SFMBT2: variants seen among roughly 807,000 people sequenced by gnomAD.
SFMBT2 encodes Scm like with four mbt domains 2.
Under a neutral mutation model 110.1 loss-of-function variants are expected in SFMBT2, and 38 were observed. The ratio of observed to expected loss-of-function variants is 0.35; its 90% CI spans 0.27 to 0.45. The LOEUF (loss-of-function observed/expected upper bound fraction) is 0.45, where lower values mean the gene tolerates loss of function less well. SFMBT2 is among the 20% of genes least tolerant of loss of function. The pLI is 1.00. For synonymous variants in SFMBT2, 425 were observed against 425.4 expected (o/e 1.00, Z 0.01); for missense variants, 1,011 against 1,094.9 (o/e 0.92, Z 1.08).
intron 7 of SFMBT2, among the ~76,000 whole-genome samples, chr10:7,260,930 T>C (rs1456503564): frequency 6.6e-6 from 1 of 151,980 alleles, no homozygotes; most frequent in Admixed American, 6.6e-5. Flanking sequence ...TGCGCAGTCT[T>C]TAAATACCCC....
intron 7 of SFMBT2, among the ~76,000 whole-genome samples, chr10:7,270,266 G>A (rs1841539863): frequency 6.6e-6 from 1 of 152,132 alleles, no homozygotes; most frequent in African/African-American, 2.4e-5. Flanking sequence ...AGCCAGGGCC[G>A]CCCTCTGCTT....
intron 1 of SFMBT2, among the ~76,000 whole-genome samples, chr10:7,398,754 AT>A (rs1282073693): frequency 1.3e-5 from 2 of 152,216 alleles, no homozygotes; most frequent in Non-Finnish European, 2.9e-5. Context: ...AAATTAGAGC[AT>A]CCCCCCAGGT....
intron 9 of SFMBT2, chr10:7,241,462 A>C (rs1444897996): frequency 1.8e-6 from 1 of 548,406 alleles, no homozygotes; most frequent in African/African-American, 2.1e-5. Context: ...AGTTTCTGAA[A>C]AAGAAAATTT....
At chr10:7,392,797 A>G (rs1201442520) in intron 1 of SFMBT2, among the ~76,000 whole-genome samples, 1 of 151,560 alleles carries the variant, frequency 6.6e-6, no homozygotes, top group African/African-American at 2.4e-5. Context: ...ACCCTAAGAT[A>G]CCAGAAGTCT....
chr10:7,198,432 T>C (rs1363160346), intron 14 of SFMBT2, among the ~76,000 whole-genome samples: 1 of 152,218 alleles, frequency 6.6e-6, no homozygotes, highest in African/African-American at 2.4e-5. Context: ...GTGGGCCAGG[T>C]AGGCCACAGG....
chr10:7,186,935 TA>T (rs1838432296), intron 16 of SFMBT2, among the ~76,000 whole-genome samples: 1 of 152,244 alleles, frequency 6.6e-6, no homozygotes, highest in Non-Finnish European at 1.5e-5. Context: ...AGTTGCTGTG[TA>T]AGAGTTTGCC....
At chr10:7,370,195 T>A in intron 3 of SFMBT2, 86 bp downstream of exon 3, 1 of 1,220,978 alleles carries the variant, frequency 8.2e-7, no homozygotes, top group Non-Finnish European at 1.2e-6. Context: ...TCTGCCCTTC[T>A]TCCATTGAGT....
intron 12 of SFMBT2, chr10:7,203,817 G>T (rs1195518967): frequency 4.5e-6 from 1 of 221,396 alleles, no homozygotes; most frequent in Admixed American, 6.5e-5. Context: ...CCGGATTCAA[G>T]CGATTTTCGT....
At chr10:7,186,475 A>ATATATATATATATATATAT (rs1345076690) in intron 16 of SFMBT2, among the ~76,000 whole-genome samples, 141 of 136,462 alleles carry the variant, frequency 1.0e-3, no homozygotes, top group African/African-American at 2.2e-3. Context: ...TATATATATA[A>ATATATATATATATATATAT]AAATATTTTA....
intron 2 of SFMBT2, among the ~76,000 whole-genome samples, chr10:7,375,099 G>A (rs1845165386): frequency 6.6e-6 from 1 of 152,188 alleles, no homozygotes; most frequent in Non-Finnish European, 1.5e-5. Flanking sequence ...ACTAGGAAAA[G>A]CTACGAAGAA....
intron 4 of SFMBT2, chr10:7,329,509 G>T: frequency 1.0e-6 from 1 of 985,488 alleles, no homozygotes; most frequent in Non-Finnish European, 1.2e-6. Flanking sequence ...GAGGGAGAGA[G>T]GAGGTGCTGC....
chr10:7,247,279 G>C (rs557341999), intron 8 of SFMBT2, among the ~76,000 whole-genome samples: 1 of 152,112 alleles, frequency 6.6e-6, no homozygotes, highest in Admixed American at 6.5e-5. Context: ...ACCATACCTG[G>C]CTAATTTTTG....
chr10:7,302,237 T>A (rs1842573748), intron 4 of SFMBT2, among the ~76,000 whole-genome samples: 1 of 152,224 alleles, frequency 6.6e-6, no homozygotes, highest in Admixed American at 6.5e-5. Flanking sequence ...TAGTTACTTG[T>A]TTGCTAATAA....
At chr10:7,319,900 G>A (rs1843127303) in intron 4 of SFMBT2, among the ~76,000 whole-genome samples, 3 of 142,464 alleles carry the variant, frequency 2.1e-5, no homozygotes, top group South Asian at 2.2e-4. Context: ...GAGAGACAGA[G>A]AGAGACTAAG....
intron 1 of SFMBT2, among the ~76,000 whole-genome samples, chr10:7,389,360 C>T (rs149832934): frequency 3.7e-4 from 57 of 152,056 alleles, no homozygotes; most frequent in African/African-American, 1.3e-3. Context: ...CCCAAAAAGG[C>T]TATTATTAAA....
intron 7 of SFMBT2, among the ~76,000 whole-genome samples, chr10:7,258,101 T>A (rs1353264027): frequency 6.6e-6 from 1 of 152,034 alleles, no homozygotes; most frequent in Non-Finnish European, 1.5e-5. Flanking sequence ...CTGGCTAATT[T>A]TTTGTATTTT....
In SFMBT2 at chr10:7,248,487, T is replaced by C. The variant is rs967018708; in HGVS notation, c.972+61A>G. 3.6e-6 allele frequency: 5 copies of C among 1,397,806 alleles called. No homozygotes were observed. In the African/African-American group the frequency reaches 7.1e-5, roughly 20 times the overall value. 86.6% of individuals were successfully genotyped at this position (1,397,806 alleles called of 1,614,324 possible). ...ATATGTCATCTGGTCGTCTTTGAGTTGAAAGGCTTAATTTGATCCACTCTA... is the reference window on the plus strand; with the variant it reads ...ATATGTCATCTGGTCGTCTTTGAGTCGAAAGGCTTAATTTGATCCACTCTA... On this transcript the variant is annotated intron_variant, in intron 8 of 20. Transcript: ENST00000397167.
At chr10:7,409,743 A>G (rs1846321449) in intron 1 of SFMBT2, among the ~76,000 whole-genome samples, 1 of 152,070 alleles carries the variant, frequency 6.6e-6, no homozygotes, top group African/African-American at 2.4e-5. Context: ...AAGGGGTGGA[A>G]ACTTCAGCTG....
chr10:7,321,568 G>A (rs558136894), intron 4 of SFMBT2, among the ~76,000 whole-genome samples: 7 of 152,254 alleles, frequency 4.6e-5, no homozygotes, highest in African/African-American at 1.7e-4. Flanking sequence ...ATCTTAAGGT[G>A]CACAATGTAG....
Sources: gnomAD v4.1 joint callset for allele counts (sites outside exome capture counted in the v4.1 genomes callset) on GRCh38, gnomAD v4.1.1 for gene constraint, MANE v1.5 for transcripts, NCBI Gene and HGNC (gene_info 2026-07-23, HGNC 2026-07-21) for gene names.